UBE2QL1: variants seen among roughly 807,000 people sequenced by gnomAD.
The protein encoded by UBE2QL1 is ubiquitin-conjugating enzyme E2Q-like protein 1.
UBE2QL1 carries 5 observed loss-of-function variants against 12.6 expected under a neutral mutation model. That is an observed-to-expected ratio of 0.40 (90% confidence interval 0.21 to 0.83). UBE2QL1 has a LOEUF of 0.83. Ranked by LOEUF, UBE2QL1 falls within the 40% of genes least tolerant of loss-of-function variation. UBE2QL1 has a pLI of 0.37. For missense variants in UBE2QL1, 99 were observed against 222.6 expected (o/e 0.44, Z 3.53); for synonymous variants, 96 against 94.5 (o/e 1.02, Z -0.10).
intron 1 of UBE2QL1, among the ~76,000 whole-genome samples, chr5:6,450,103 C>CA (rs1306127335): frequency 8.8e-6 from 1 of 113,004 alleles, no homozygotes; most frequent in Non-Finnish European, 2.0e-5. Context: ...CCCCCCACGG[C>CA]AATGCCTGTT....
intron 1 of UBE2QL1, among the ~76,000 whole-genome samples, chr5:6,462,013 C>T (rs1739678019): frequency 6.6e-6 from 1 of 152,150 alleles, no homozygotes; most frequent in African/African-American, 2.4e-5. Context: ...CAGCACTTGA[C>T]CTTATTGGCC....
At chr5:6,480,846 C>T (rs1734344234) in intron 1 of UBE2QL1, among the ~76,000 whole-genome samples, 3 of 152,102 alleles carry the variant, frequency 2.0e-5, no homozygotes, top group Non-Finnish European at 4.4e-5. Context: ...AGAGGTTTCA[C>T]AGTTTTAAGA....
In UBE2QL1 at chr5:6,470,829, G is replaced by A. The variant is rs201258998; in HGVS notation, c.355-20389G>A. The stretch of plus-strand genomic sequence containing the variant: ...TTACCATAGGGAAACTCCCAGAAGT[G>A]GGGTACTGGATCAAAGGGTGGGAAC... On this transcript the variant is annotated intron_variant, in intron 1 of 1. Coordinates refer to ENST00000399816, the MANE Select transcript of UBE2QL1 (RefSeq NM_001145161.3). Among the ~76,000 whole-genome samples, 9 of 152,284 alleles carry A rather than the reference G, an allele frequency of 5.9e-5. No homozygotes were observed. The East Asian group carries it at 1.5e-3, about 26-fold the overall frequency.
At chr5:6,449,487 T>A (rs1739368362) in intron 1 of UBE2QL1, among the ~76,000 whole-genome samples, 1 of 152,116 alleles carries the variant, frequency 6.6e-6, no homozygotes, top group Non-Finnish European at 1.5e-5. Flanking sequence ...TCTCAGTCTC[T>A]GCCCGTCTCT....
In UBE2QL1 at chr5:6,479,855, C is replaced by T. The variant is rs1318543383; in HGVS notation, c.355-11363C>T. Among the ~76,000 whole-genome samples, 3 of 152,184 alleles carry T rather than the reference C, an allele frequency of 2.0e-5. No individual in the cohort carries two copies. Among genetic ancestry groups the T allele is most frequent in the Admixed American group, 6.5e-5 (1 of 15,290 alleles). ...CCTGTTCACCACGTCAGGCAGGTAG[C>T]GTGTGCCGAGGCCCCCACATGTGCT... On this transcript the variant is annotated intron_variant, in intron 1 of 1. Coordinates refer to ENST00000399816, the MANE Select transcript of UBE2QL1 (RefSeq NM_001145161.3). The surrounding 1 kb of genome is among the most constrained non-coding windows in gnomAD (Gnocchi z 4.2).
At chr5:6,456,090 C>T (rs1739517404) in intron 1 of UBE2QL1, among the ~76,000 whole-genome samples, 1 of 152,198 alleles carries the variant, frequency 6.6e-6, no homozygotes. Flanking sequence ...TGCCTCCCGT[C>T]ATGCAGGAAC....
At chr5:6,461,983 G>A (rs1226118861) in intron 1 of UBE2QL1, among the ~76,000 whole-genome samples, 2 of 152,170 alleles carry the variant, frequency 1.3e-5, no homozygotes, top group African/African-American at 4.8e-5. Flanking sequence ...AACACAGCAG[G>A]CTTTGCAGCA....
At position 6,476,769 on chromosome 5, in the gene UBE2QL1, G is replaced by A. The variant is rs1338211172; in HGVS notation, c.355-14449G>A. ...TTGCTAATTAATGGGTTTCTTCACA[G>A]GAAAATGTAGTTGAGATTTGTAAAA... is the stretch of plus-strand genomic sequence containing the variant. On this transcript the variant is annotated intron_variant, in intron 1 of 1. Transcript: ENST00000399816. This position sits in a 1 kb window ranked among gnomAD's most constrained non-coding sequence, Gnocchi z 4.9. Among the ~76,000 whole-genome samples the A allele has an allele frequency of 3.9e-5, 6 of 152,150 alleles. No homozygotes were observed. The highest frequency in any genetic ancestry group is 8.8e-5 in the Non-Finnish European group (6 of 68,038).
rs960075167 is a variant in UBE2QL1 at position 6,479,432 on chromosome 5, C to T, written c.355-11786C>T. Among the ~76,000 whole-genome samples, 5 of 152,014 alleles carry T rather than the reference C, an allele frequency of 3.3e-5. No homozygotes were observed. The highest frequency in any genetic ancestry group is 6.5e-5 in the Admixed American group (1 of 15,268). ...GACAGAGCTGACTTCAACTTAGGGG[C>T]GACTTCAGTAAGAAAGTGGGGGGTC... On this transcript the variant is annotated intron_variant, in intron 1 of 1. Coordinates refer to ENST00000399816, the MANE Select transcript of UBE2QL1 (RefSeq NM_001145161.3). The surrounding 1 kb of genome is among the most constrained non-coding windows in gnomAD (Gnocchi z 4.2).
At chr5:6,456,402 G>A (rs1467509789) in intron 1 of UBE2QL1, among the ~76,000 whole-genome samples, 1 of 152,094 alleles carries the variant, frequency 6.6e-6, no homozygotes, top group Non-Finnish European at 1.5e-5. Context: ...CATTAACATG[G>A]GGCATTAGTC....
At chr5:6,449,861 C>A (rs1739375641) in intron 1 of UBE2QL1, among the ~76,000 whole-genome samples, 1 of 116,282 alleles carries the variant, frequency 8.6e-6, no homozygotes, top group African/African-American at 3.0e-5. Flanking sequence ...GATCTCCCAC[C>A]TCCCCAACCC....
chr5:6,461,762 T>G (rs894860839), intron 1 of UBE2QL1, among the ~76,000 whole-genome samples: 3 of 152,122 alleles, frequency 2.0e-5, no homozygotes, highest in Non-Finnish European at 4.4e-5. Context: ...GTTAAACACA[T>G]TATTTAGCTG....
At chr5:6,457,406 C>T (rs551608976) in intron 1 of UBE2QL1, among the ~76,000 whole-genome samples, 2 of 152,278 alleles carry the variant, frequency 1.3e-5, no homozygotes, top group Non-Finnish European at 2.9e-5. Context: ...AAGTTCATTT[C>T]TGTGCTTATC....
chr5:6,478,550 T>C lies in UBE2QL1; in HGVS notation c.355-12668T>C, dbSNP rs1734285345. 6.6e-6 allele frequency among the ~76,000 whole-genome samples: 1 copy of C among 152,120 alleles called. No individual in the cohort carries two copies. The highest frequency in any genetic ancestry group is 2.4e-5 in the African/African-American group (1 of 41,444). On this transcript the variant is annotated intron_variant, in intron 1 of 1. Transcript: ENST00000399816. This position sits in a 1 kb window ranked among gnomAD's most constrained non-coding sequence, Gnocchi z 4.5. ...GGGCAGACAGCGAATGGTGGCTGCC[T>C]CTGTTTTGACAAATTCATTCCCAGG...
intron 1 of UBE2QL1, among the ~76,000 whole-genome samples, chr5:6,461,534 G>GCCCCCC (rs1268566449): frequency 1.8e-5 from 1 of 54,444 alleles, no homozygotes; most frequent in Non-Finnish European, 3.8e-5. Context: ...GTGTTTTTCA[G>GCCCCCC]CACCCACCAC....
In UBE2QL1 at chr5:6,466,977, T is replaced by TG. The variant is rs1210967640; in HGVS notation, c.354+17733dup. Among the ~76,000 whole-genome samples the TG allele has an allele frequency of 2.6e-5, 4 of 152,206 alleles. No individual in the cohort carries two copies. In the South Asian group the frequency reaches 8.3e-4, roughly 32 times the overall value. On this transcript the variant is annotated intron_variant, in intron 1 of 1. Coordinates refer to ENST00000399816, the MANE Select transcript of UBE2QL1 (RefSeq NM_001145161.3). ...AGGAGGCTGCTCACTGTTCTGGGCCTGGGACTGTCACCCGGCACATGAGGC... is the reference window on the plus strand; with the variant it reads ...AGGAGGCTGCTCACTGTTCTGGGCCTGGGGACTGTCACCCGGCACATGAGGC...
In UBE2QL1 at chr5:6,476,018, A is replaced by G. The variant is rs1004558181; in HGVS notation, c.355-15200A>G. Among the ~76,000 whole-genome samples the G allele has an allele frequency of 2.0e-5, 3 of 152,178 alleles. No individual in the cohort carries two copies. Among genetic ancestry groups the G allele is most frequent in the African/African-American group, 4.8e-5 (2 of 41,442 alleles). Reference sequence around the variant, plus strand: ...CTTATTTTTTAAAGTATATTAGGATAACTTGTGATAAGTTCATCACACCCA... The same window carrying G: ...CTTATTTTTTAAAGTATATTAGGATGACTTGTGATAAGTTCATCACACCCA... On this transcript the variant is annotated intron_variant, in intron 1 of 1. Coordinates refer to ENST00000399816, the MANE Select transcript of UBE2QL1 (RefSeq NM_001145161.3). The surrounding 1 kb of genome is among the most constrained non-coding windows in gnomAD (Gnocchi z 4.9).
chr5:6,453,405 C>G (rs1420514155), intron 1 of UBE2QL1, among the ~76,000 whole-genome samples: 2 of 152,166 alleles, frequency 1.3e-5, no homozygotes, highest in Admixed American at 6.5e-5. Context: ...TCCTTTCTAT[C>G]CACAGAGAAG....
chr5:6,454,193 A>G (rs1034732237), intron 1 of UBE2QL1, among the ~76,000 whole-genome samples: 8 of 152,082 alleles, frequency 5.3e-5, no homozygotes, highest in Non-Finnish European at 1.0e-4. Flanking sequence ...TACAACACAC[A>G]AAATGTTTAA....
Sources: allele counts gnomAD v4.1 joint callset (sites outside exome capture counted in the v4.1 genomes callset), GRCh38; gene constraint gnomAD v4.1.1; non-coding constraint Gnocchi (gnomAD v3.1); transcripts MANE v1.5; gene names NCBI Gene and HGNC (gene_info 2026-07-23, HGNC 2026-07-21).